Variants in PRPSAP2 observed in about 807,000 individuals in gnomAD.
The protein encoded by PRPSAP2 is phosphoribosyl pyrophosphate synthetase associated protein 2, also known as phosphoribosyl pyrophosphate synthase-associated protein 2.
Under a neutral mutation model 40.6 loss-of-function variants are expected in PRPSAP2, and 24 were observed. That is an observed-to-expected ratio of 0.59 (90% CI 0.43 to 0.83). The LOEUF is 0.83. Among genes scored for constraint, PRPSAP2 ranks in the 40% least tolerant of loss-of-function variants. The pLI is 0.00. For missense variants in PRPSAP2, 292 were observed against 465.6 expected (o/e 0.63, Z 3.43); for synonymous variants, 149 against 164.7 (o/e 0.90, Z 0.73).
chr17:18,867,366 CT>C, intron 4 of PRPSAP2, 32 bp downstream of exon 4: 2 of 1,608,254 alleles, frequency 1.2e-6, no homozygotes, highest in Non-Finnish European at 1.7e-6. Context: ...GAACATTGAC[CT>C]TTTTGTGAAA....
chr17:18,927,975 G>T (rs1200027642), intron 10 of PRPSAP2, among the ~76,000 whole-genome samples: 1 of 151,912 alleles, frequency 6.6e-6, no homozygotes, highest in Non-Finnish European at 1.5e-5. Context: ...GTAGAGACTG[G>T]GTTTCGTCAT....
chr17:18,867,192 C>T (rs957549214), intron 3 of PRPSAP2, 90 bp from the exon 4 acceptor site: 85 of 1,241,858 alleles, frequency 6.8e-5, no homozygotes, highest in South Asian at 1.7e-4. Flanking sequence ...TTTTATTTTA[C>T]TCTTATCGAT....
At chr17:18,858,986 A>G (rs2036805321) in intron 1 of PRPSAP2, among the ~76,000 whole-genome samples, 1 of 152,136 alleles carries the variant, frequency 6.6e-6, no homozygotes, top group African/African-American at 2.4e-5. Context: ...GTGTACCATT[A>G]TTACTCAGTT....
chr17:18,908,138 G>T (rs2040715151), intron 8 of PRPSAP2: 1 of 560,916 alleles, frequency 1.8e-6, no homozygotes, highest in Non-Finnish European at 3.2e-6. Flanking sequence ...CAGCCTGGGC[G>T]ACAGAGCAAG....
At chr17:18,877,315 A>T (rs2038370085) in intron 5 of PRPSAP2, among the ~76,000 whole-genome samples, 1 of 152,158 alleles carries the variant, frequency 6.6e-6, no homozygotes, top group Non-Finnish European at 1.5e-5. Context: ...TTTGTGGCCG[A>T]TGGGTTATCA....
intron 9 of PRPSAP2, among the ~76,000 whole-genome samples, chr17:18,917,023 T>C (rs1027987186): frequency 6.6e-6 from 1 of 151,932 alleles, no homozygotes; most frequent in African/African-American, 2.4e-5. Context: ...CAGGAGGAAA[T>C]AGGAAGAATG....
chr17:18,880,647 G>A (rs969569298), intron 6 of PRPSAP2, among the ~76,000 whole-genome samples: 1 of 152,106 alleles, frequency 6.6e-6, no homozygotes, highest in African/African-American at 2.4e-5. Context: ...GGGCTCAAGT[G>A]ATACTCCTGC....
upstream of PRPSAP2, chr17:18,856,434 G>T (rs1193024548): frequency 6.6e-6 from 1 of 152,164 alleles, no homozygotes; most frequent in Non-Finnish European, 1.5e-5. Flanking sequence ...ATTTTGGTAT[G>T]CAGATAATCA....
At chr17:18,885,853 C>CTA (rs1211814498) in intron 7 of PRPSAP2, among the ~76,000 whole-genome samples, 1 of 152,096 alleles carries the variant, frequency 6.6e-6, no homozygotes, top group Non-Finnish European at 1.5e-5. Context: ...TCCCAAAGTG[C>CTA]TGGGATTACA....
chr17:18,873,776 GA>G (rs1350818889), intron 5 of PRPSAP2, among the ~76,000 whole-genome samples: 1 of 152,136 alleles, frequency 6.6e-6, no homozygotes, highest in Admixed American at 6.6e-5. Context: ...TGTGACCTTT[GA>G]CACACCTGTG....
intron 10 of PRPSAP2, among the ~76,000 whole-genome samples, chr17:18,927,820 C>T (rs1207577703): frequency 6.6e-6 from 1 of 152,072 alleles, no homozygotes; most frequent in Non-Finnish European, 1.5e-5. Flanking sequence ...GGGTCTGCTG[C>T]CCAGGTTGGA....
intron 7 of PRPSAP2, 83 bp downstream of exon 7, chr17:18,882,766 G>A: frequency 1.1e-6 from 1 of 880,416 alleles, no homozygotes; most frequent in Non-Finnish European, 1.8e-6. Context: ...TACCCCTAAA[G>A]GATTAAAACT....
intron 1 of PRPSAP2, chr17:18,858,611 A>G (rs530369848): frequency 6.6e-6 from 1 of 152,438 alleles, no homozygotes; most frequent in South Asian, 2.1e-4. Flanking sequence ...TCCGTCCCTA[A>G]GCTGACACGG....
At chr17:18,863,863 G>T (rs1361337622) in intron 1 of PRPSAP2, among the ~76,000 whole-genome samples, 21 of 58,292 alleles carry the variant, frequency 3.6e-4, no homozygotes, top group Admixed American at 8.4e-4. Context: ...TAATTTTTTA[G>T]ATGGAGTTTT....
At chr17:18,867,915 T>C (rs1034376717) in intron 4 of PRPSAP2, among the ~76,000 whole-genome samples, 5 of 152,104 alleles carry the variant, frequency 3.3e-5, no homozygotes, top group African/African-American at 9.7e-5. Flanking sequence ...GGCAGGCAGA[T>C]TCCTTGAGCT....
In PRPSAP2 at chr17:18,911,024, C is replaced by A; in HGVS notation, c.585-79C>A. 1 of 1,437,588 alleles carries A rather than the reference C, an allele frequency of 7.0e-7. No individual in the cohort carries two copies. The highest frequency in any genetic ancestry group is 9.3e-7 in the Non-Finnish European group (1 of 1,078,000). The allele number at this position is 1,437,588 out of a possible 1,614,324, so 89.1% of individuals were successfully genotyped here. On this transcript the variant is annotated intron_variant, in intron 8 of 11. Coordinates refer to ENST00000268835, the MANE Select transcript of PRPSAP2 (RefSeq NM_002767.4). This position sits in a 1 kb window ranked among gnomAD's most constrained non-coding sequence, Gnocchi z 4.5. ...GGAGACAACATTCTACTTATGTTCT[C>A]TTAATGTTTTGTCCCCTAGGCATTA...
intron 8 of PRPSAP2, among the ~76,000 whole-genome samples, chr17:18,891,387 G>A (rs998386032): frequency 4.6e-5 from 7 of 152,112 alleles, no homozygotes; most frequent in Admixed American, 2.0e-4. Flanking sequence ...CAACCCAGCC[G>A]GGCCTGTGTT....
intron 4 of PRPSAP2, among the ~76,000 whole-genome samples, 186 bp from the exon 5 acceptor site, chr17:18,872,397 G>C: frequency 6.6e-6 from 1 of 152,108 alleles, no homozygotes; most frequent in Non-Finnish European, 1.5e-5. Flanking sequence ...TCTTAAAGCT[G>C]TGTTTTAAAA....
intron 1 of PRPSAP2, among the ~76,000 whole-genome samples, chr17:18,863,691 C>A (rs1000117383): frequency 2.0e-5 from 3 of 152,012 alleles, no homozygotes; most frequent in Non-Finnish European, 4.4e-5. Flanking sequence ...TGCCACCACG[C>A]CCGGCTAATC....
Sources: allele counts gnomAD v4.1 joint callset (sites outside exome capture counted in the v4.1 genomes callset), GRCh38; gene constraint gnomAD v4.1.1; non-coding constraint Gnocchi (gnomAD v3.1); transcripts MANE v1.5; gene names NCBI Gene and HGNC (gene_info 2026-07-23, HGNC 2026-07-21).